UBALD2: variants seen among roughly 807,000 people sequenced by gnomAD.
The protein encoded by UBALD2 is UBA like domain containing 2, also known as UBA-like domain-containing protein 2.
In UBALD2, 8 loss-of-function variants were observed where a neutral mutation model predicts 15.9. The observed-to-expected ratio is 0.50, with a 90% CI of 0.29 to 0.91. The LOEUF (loss-of-function observed/expected upper bound fraction) is 0.91, where lower values mean the gene tolerates loss of function less well. Among genes scored for constraint, UBALD2 ranks in the 40% least tolerant of loss-of-function variants. The pLI is 0.07. For missense variants in UBALD2, 178 were observed against 234.8 expected, an observed-to-expected ratio of 0.76 and a Z score of 1.58; for synonymous variants, 113 against 97.7, an observed-to-expected ratio of 1.16 and a Z score of -0.93.
At position 76,265,563 on chromosome 17, in the gene UBALD2, G is replaced by A. The variant is rs764635903; in HGVS notation, c.58G>A (p.Ala20Thr). 19 of 1,338,304 alleles carry A rather than the reference G, an allele frequency of 1.4e-5. No homozygotes were observed. In the East Asian group the frequency reaches 7.5e-4, roughly 53 times the overall value. 82.9% of individuals were successfully genotyped at this position (1,338,304 alleles called of 1,614,324 possible). The change falls in exon 1 of 3, where the codon GCC becomes ACC. Residue 20 changes from alanine (A) to threonine (T), a missense_variant. Transcript: ENST00000327490. Reference sequence around the variant, plus strand: ...GGTCATGATCAACCAGTTCGTGCTGGCCGCGGGCTGCGCGGCCGACCAGGC... The same window carrying A: ...GGTCATGATCAACCAGTTCGTGCTGACCGCGGGCTGCGCGGCCGACCAGGC... ...HQVMINQFVLAAGCAADQAKQ... is the reference protein window; with the variant it reads ...HQVMINQFVLTAGCAADQAKQ...
intron 2 of UBALD2, among the ~76,000 whole-genome samples, chr17:76,268,495 G>A (rs537292675): frequency 6.6e-5 from 10 of 151,930 alleles, no homozygotes; most frequent in East Asian, 1.9e-4. Flanking sequence ...GGGTGGGGGG[G>A]GGGCAGGGAG....
intron 2 of UBALD2, 134 bp downstream of exon 2, chr17:76,266,103 G>T: frequency 8.5e-7 from 1 of 1,180,594 alleles, no homozygotes; most frequent in Non-Finnish European, 1.2e-6. Flanking sequence ...CGGCTCCCGG[G>T]CCGGCGCTGG....
intron 2 of UBALD2, among the ~76,000 whole-genome samples, chr17:76,267,073 A>C (rs1169211083): frequency 1.3e-5 from 2 of 152,170 alleles, no homozygotes; most frequent in Non-Finnish European, 2.9e-5. Context: ...TTAGAAACCC[A>C]AGAGGGTTTC....
At position 76,270,599 on chromosome 17, in the gene UBALD2, G is replaced by T; in HGVS notation, c.*94G>T. The T allele has an allele frequency of 8.5e-7, 1 of 1,173,800 alleles. No individual in the cohort carries two copies. The allele number at this position is 1,173,800 out of a possible 1,614,324, so 72.7% of individuals were successfully genotyped here. On this transcript the variant is annotated 3_prime_UTR_variant, in exon 3 of 3. Transcript: ENST00000327490. ...AGGGAGGGGGGAGCCGGGGAGGGCA[G>T]GGGGTTTCCCGAAGATCGCACTGGA...
At chr17:76,266,003 C>A (rs1463316455) in intron 2 of UBALD2, 34 bp downstream of exon 2, 2 of 1,548,318 alleles carry the variant, frequency 1.3e-6, no homozygotes, top group Admixed American at 2.0e-5. Flanking sequence ...CGGGCCGGGG[C>A]CGCTGTCAGC....
rs1291683705 is a variant in UBALD2 at position 76,271,055 on chromosome 17, T to C, written c.*550T>C. The stretch of plus-strand genomic sequence containing the variant: ...CCTCTGATTGCTGGTTGTGGCCCCA[T>C]AGCTCATCACCCCTGTCTCCTGCTG... On this transcript the variant is annotated 3_prime_UTR_variant, in exon 3 of 3. Coordinates refer to ENST00000327490, the MANE Select transcript of UBALD2 (RefSeq NM_182565.4). 6.6e-6 allele frequency: 1 copy of C among 152,584 alleles called. No homozygotes were observed. Among genetic ancestry groups the C allele is most frequent in the Non-Finnish European group, 1.5e-5 (1 of 68,202 alleles). 9.5% of individuals were successfully genotyped at this position (152,584 alleles called of 1,614,324 possible). A position where few individuals can be genotyped will look rare whatever the true frequency, so the allele number is the denominator to read the frequency against.
In UBALD2 at chr17:76,270,574, A is replaced by G; in HGVS notation, c.*69A>G. On this transcript the variant is annotated 3_prime_UTR_variant, in exon 3 of 3. Transcript: ENST00000327490. ...AGGGTTGTGGGGACACAGGAGGGCCAGGGAGGGGGGAGCCGGGGAGGGCAG... is the reference window on the plus strand; with the variant it reads ...AGGGTTGTGGGGACACAGGAGGGCCGGGGAGGGGGGAGCCGGGGAGGGCAG... 8.3e-7 allele frequency: 1 copy of G among 1,198,790 alleles called. No homozygotes were observed. Among genetic ancestry groups the G allele is most frequent in the Non-Finnish European group, 1.1e-6 (1 of 909,246 alleles). The allele number at this position is 1,198,790 out of a possible 1,614,324, so 74.3% of individuals were successfully genotyped here.
chr17:76,265,663 TCGGGGACGCCGGGCGGCGGCGGGGG>T, intron 1 of UBALD2, 38 bp downstream of exon 1: 1 of 1,134,430 alleles, frequency 8.8e-7, no homozygotes, highest in Non-Finnish European at 1.1e-6. Context: ...GCCGCGGGGG[TCGGGGACGCCGGGCGGCGGCGGGGG>T]CGGGGAGCGC....
At chr17:76,267,911 G>T (rs534973362) in intron 2 of UBALD2, among the ~76,000 whole-genome samples, 1 of 151,182 alleles carries the variant, frequency 6.6e-6, no homozygotes, top group Admixed American at 6.6e-5. Context: ...CGCCTGCCTC[G>T]GCCTCCCAAA....
At chr17:76,265,850 C>A in intron 1 of UBALD2, 57 bp from the exon 2 acceptor site, 1 of 1,554,908 alleles carries the variant, frequency 6.4e-7, no homozygotes, top group Non-Finnish European at 8.7e-7. Flanking sequence ...GGGGGCCCAG[C>A]CGCTGCGTTT....
chr17:76,265,732 G>C, intron 1 of UBALD2, 107 bp downstream of exon 1: 4 of 1,282,618 alleles, frequency 3.1e-6, no homozygotes, highest in Non-Finnish European at 4.0e-6. Flanking sequence ...ATCGGCGCCC[G>C]CGAGCGGGTC....
intron 2 of UBALD2, 70 bp from the exon 3 acceptor site, chr17:76,270,124 T>G: frequency 1.3e-6 from 2 of 1,514,492 alleles, no homozygotes; most frequent in African/African-American, 2.8e-5. Flanking sequence ...GCGGCTGGCC[T>G]GGGTAAGCCC....
Position 76,269,731 on chromosome 17 carries a change from A to G in UBALD2, c.184-463A>G, listed in dbSNP as rs1286605414. On this transcript the variant is annotated intron_variant, in intron 2 of 2. Transcript: ENST00000327490. This position sits in a 1 kb window ranked among gnomAD's most constrained non-coding sequence, Gnocchi z 4.6. ...GTGAACCCATCCACCAAGGTGGCTT[A>G]ACTTTTCCAGGGTTGGCACAGGAGG... 6.6e-6 allele frequency among the ~76,000 whole-genome samples: 1 copy of G among 152,194 alleles called. No homozygotes were observed. Among genetic ancestry groups the G allele is most frequent in the African/African-American group, 2.4e-5 (1 of 41,450 alleles).
At chr17:76,265,809 G>C in intron 1 of UBALD2, 98 bp from the exon 2 acceptor site, 1 of 1,486,632 alleles carries the variant, frequency 6.7e-7, no homozygotes, top group East Asian at 2.6e-5. Context: ...CGGGGGCCGC[G>C]GGCCGGGCGC....
intron 2 of UBALD2, 136 bp downstream of exon 2, chr17:76,266,105 C>G (rs1281531153): frequency 3.4e-6 from 4 of 1,167,712 alleles, no homozygotes; most frequent in Non-Finnish European, 4.8e-6. Context: ...GCTCCCGGGC[C>G]GGCGCTGGCG....
intron 2 of UBALD2, 39 bp downstream of exon 2, chr17:76,266,008 G>C: frequency 6.5e-7 from 1 of 1,545,886 alleles, no homozygotes; most frequent in Non-Finnish European, 8.7e-7. Context: ...CGGGGCCGCT[G>C]TCAGCGCGGC....
chr17:76,267,913 C>T (rs527978565), intron 2 of UBALD2, among the ~76,000 whole-genome samples: 3 of 152,148 alleles, frequency 2.0e-5, no homozygotes, highest in Non-Finnish European at 2.9e-5. Context: ...CCTGCCTCGG[C>T]CTCCCAAAGT....
chr17:76,269,187 C>G lies in UBALD2; in HGVS notation c.184-1007C>G, dbSNP rs2070567340. Among the ~76,000 whole-genome samples the G allele has an allele frequency of 6.6e-6, 1 of 152,114 alleles. No homozygotes were observed. Among genetic ancestry groups the G allele is most frequent in the Non-Finnish European group, 1.5e-5 (1 of 67,996 alleles). On this transcript the variant is annotated intron_variant, in intron 2 of 2. Coordinates refer to ENST00000327490, the MANE Select transcript of UBALD2 (RefSeq NM_182565.4). This position sits in a 1 kb window ranked among gnomAD's most constrained non-coding sequence, Gnocchi z 4.6. ...GAGAAAGCAGCTTTGAGGTCCCAGCCAGTTTTGTGTGGTCTTGTTCTCTGT... is the reference window on the plus strand; with the variant it reads ...GAGAAAGCAGCTTTGAGGTCCCAGCGAGTTTTGTGTGGTCTTGTTCTCTGT...
In UBALD2 at chr17:76,265,511, G is replaced by A. The variant is rs761789740; in HGVS notation, c.6G>A (p.Ser2=). Residue 2 remains serine (S), a synonymous_variant, in exon 1 of 3, where the codon TCG becomes TCA. Coordinates refer to ENST00000327490, the MANE Select transcript of UBALD2 (RefSeq NM_182565.4). M[S]VNMDELRHQV... ...GCCCCGCGCCGCGCCGCGCCATGTCGGTGAACATGGACGAGCTGCGGCACC... is the reference window on the plus strand; with the variant it reads ...GCCCCGCGCCGCGCCGCGCCATGTCAGTGAACATGGACGAGCTGCGGCACC... 3.8e-5 allele frequency: 48 copies of A among 1,263,398 alleles called. No individual in the cohort carries two copies. Among genetic ancestry groups the A allele is most frequent in the Non-Finnish European group, 4.9e-5 (48 of 979,990 alleles). 78.3% of individuals were successfully genotyped at this position (1,263,398 alleles called of 1,614,324 possible). A position where few individuals can be genotyped will look rare whatever the true frequency, so the allele number is the denominator to read the frequency against.
Sources: allele counts gnomAD v4.1 joint callset (sites outside exome capture counted in the v4.1 genomes callset), GRCh38; gene constraint gnomAD v4.1.1; non-coding constraint Gnocchi (gnomAD v3.1); transcripts MANE v1.5; gene names NCBI Gene and HGNC (gene_info 2026-07-23, HGNC 2026-07-21).